The following DDR2 variants were observed in gnomAD, a reference collection of about 807,000 sequenced individuals.
DDR2 encodes discoidin domain-containing receptor 2.
Under a neutral mutation model 94.9 loss-of-function variants are expected in DDR2, and 27 were observed. The observed-to-expected ratio is 0.28, with a 90% CI of 0.21 to 0.39. The LOEUF (loss-of-function observed/expected upper bound fraction) is 0.39, where lower values mean the gene tolerates loss of function less well. Ranked by LOEUF, DDR2 falls within the 10% of genes least tolerant of loss-of-function variation. The probability of loss-of-function intolerance (pLI) is 1.00; values close to 1 mark genes in which losing one functional copy is unlikely to be tolerated. For synonymous variants in DDR2, 382 were observed against 377.2 expected, an observed-to-expected ratio of 1.01 and a Z score of -0.15; for missense variants, 783 against 1,076.0, an observed-to-expected ratio of 0.73 and a Z score of 3.81.
chr1:162,650,725 A>T (rs528713305), intron 1 of DDR2, among the ~76,000 whole-genome samples: 1 of 151,722 alleles, frequency 6.6e-6, no homozygotes, highest in Admixed American at 6.6e-5. Context: ...TCCTCTCCAC[A>T]TTATTATTAT....
At chr1:162,710,924 C>T (rs934402126) in intron 2 of DDR2, among the ~76,000 whole-genome samples, 2 of 152,176 alleles carry the variant, frequency 1.3e-5, no homozygotes, top group African/African-American at 4.8e-5. Flanking sequence ...CTGGCCTGGG[C>T]TACAGGCCAC....
intron 1 of DDR2, among the ~76,000 whole-genome samples, chr1:162,637,831 C>G (rs577992711): frequency 1.3e-5 from 2 of 152,072 alleles, no homozygotes; most frequent in Non-Finnish European, 2.9e-5. Context: ...AAGTAAAAGA[C>G]GCAATTCTTG....
chr1:162,715,862 AT>A (rs1320963597), intron 2 of DDR2, among the ~76,000 whole-genome samples: 1 of 152,216 alleles, frequency 6.6e-6, no homozygotes, highest in Non-Finnish European at 1.5e-5. Flanking sequence ...GCTGACAGTC[AT>A]CTAATTTTAG....
chr1:162,640,771 G>C (rs1017277346), intron 1 of DDR2, among the ~76,000 whole-genome samples: 9 of 152,034 alleles, frequency 5.9e-5, no homozygotes, highest in Non-Finnish European at 1.3e-4. Flanking sequence ...TAATTCAATA[G>C]GTTAATAGCA....
Position 162,778,854 on chromosome 1 carries a change from A to G in DDR2, c.2433+125A>G, listed in dbSNP as rs1647737858. On this transcript the variant is annotated intron_variant, in intron 17 of 17. Transcript: ENST00000367921. Reference sequence around the variant, plus strand: ...GACTATCCAGGTGTTAGTCTTTGTCACTAACTATCCAGATGATGTGAAAGA... The same window carrying G: ...GACTATCCAGGTGTTAGTCTTTGTCGCTAACTATCCAGATGATGTGAAAGA... 6.2e-6 allele frequency: 8 copies of G among 1,282,484 alleles called. No individual in the cohort carries two copies. The South Asian group carries it at 1.0e-4, about 16-fold the overall frequency. The allele number at this position is 1,282,484 out of a possible 1,614,324, so 79.4% of individuals were successfully genotyped here. A position where few individuals can be genotyped will look rare whatever the true frequency, so the allele number is the denominator to read the frequency against.
In DDR2 at chr1:162,754,596, C is replaced by T. The variant is rs182029623; in HGVS notation, c.186-28C>T. ...CAGCTCTGTGGTTTCATGGTTGCTCCCTCTCTCCCCAACCCTCACCTCTCA... is the reference window on the plus strand; with the variant it reads ...CAGCTCTGTGGTTTCATGGTTGCTCTCTCTCTCCCCAACCCTCACCTCTCA... On this transcript the variant is annotated intron_variant, in intron 4 of 17. Transcript: ENST00000367921. 5.2e-5 allele frequency: 83 copies of T among 1,609,768 alleles called. No individual in the cohort carries two copies. In the Middle Eastern group the frequency reaches 1.2e-3, roughly 23 times the overall value.
intron 1 of DDR2, among the ~76,000 whole-genome samples, chr1:162,652,578 C>T (rs1657756920): frequency 6.6e-6 from 1 of 152,206 alleles, no homozygotes; most frequent in African/African-American, 2.4e-5. Context: ...ATACGATCAG[C>T]CCCACAGCTC....
rs1170310185 is a variant in DDR2 at position 162,775,863 on chromosome 1, C to T, written c.2048+20C>T. 5 of 1,613,520 alleles carry T rather than the reference C, an allele frequency of 3.1e-6. No homozygotes were observed. Among genetic ancestry groups the T allele is most frequent in the Non-Finnish European group, 4.2e-6 (5 of 1,179,880 alleles). Reference sequence around the variant, plus strand: ...TGTCAGGTAAACAAGCCAGGTCTTCCTTCTCCTCCCTGTGGTCATGAGAGT... The same window carrying T: ...TGTCAGGTAAACAAGCCAGGTCTTCTTTCTCCTCCCTGTGGTCATGAGAGT... On this transcript the variant is annotated intron_variant, in intron 15 of 17. Transcript: ENST00000367921.
In DDR2 at chr1:162,719,453, A is replaced by T. The variant is rs1571239046; in HGVS notation, c.82+308A>T. Among the ~76,000 whole-genome samples, 4 of 152,218 alleles carry T rather than the reference A, an allele frequency of 2.6e-5. No homozygotes were observed. In the East Asian group the frequency reaches 7.7e-4, roughly 29 times the overall value. ...TTTGCTTCTGCATCTTCTGAGAAAA[A>T]CAGGACAGAATTTTTAGATGTCTTG... On this transcript the variant is annotated intron_variant, in intron 3 of 17. Transcript: ENST00000367921.
At chr1:162,693,803 G>T (rs1322959329) in intron 2 of DDR2, among the ~76,000 whole-genome samples, 1 of 152,158 alleles carries the variant, frequency 6.6e-6, no homozygotes, top group African/African-American at 2.4e-5. Flanking sequence ...CAGGCAGAGA[G>T]GGCAGTAAGC....
At chr1:162,633,704 C>T (rs1235541631) in intron 1 of DDR2, among the ~76,000 whole-genome samples, 1 of 152,238 alleles carries the variant, frequency 6.6e-6, no homozygotes, top group Non-Finnish European at 1.5e-5. Context: ...CAAGTCACCA[C>T]AAGGACGTTA....
intron 16 of DDR2, among the ~76,000 whole-genome samples, chr1:162,778,298 C>T (rs972337190): frequency 1.3e-5 from 2 of 152,144 alleles, no homozygotes; most frequent in Non-Finnish European, 2.9e-5. Context: ...CCCAAGGCTA[C>T]CCTAGAGTTG....
intron 2 of DDR2, among the ~76,000 whole-genome samples, chr1:162,718,741 T>C (rs1558044023): frequency 6.6e-6 from 1 of 152,226 alleles, no homozygotes; most frequent in Non-Finnish European, 1.5e-5. Context: ...TTACCATTAT[T>C]CACCATTTGG....
intron 1 of DDR2, among the ~76,000 whole-genome samples, chr1:162,643,767 C>T (rs1657267378): frequency 6.6e-6 from 1 of 152,200 alleles, no homozygotes; most frequent in Non-Finnish European, 1.5e-5. Flanking sequence ...AGGTGTGAGC[C>T]ACTGCACCCG....
intron 1 of DDR2, among the ~76,000 whole-genome samples, chr1:162,646,104 T>A (rs1657394044): frequency 6.6e-6 from 1 of 152,246 alleles, no homozygotes; most frequent in Non-Finnish European, 1.5e-5. Flanking sequence ...CTTGACTTCA[T>A]CTGGCTTTCA....
At chr1:162,662,642 A>G (rs1558012383) in intron 2 of DDR2, among the ~76,000 whole-genome samples, 1 of 152,120 alleles carries the variant, frequency 6.6e-6, no homozygotes, top group African/African-American at 2.4e-5. Flanking sequence ...TGTGTGGCTT[A>G]ATTTCCCTAA....
chr1:162,758,998 A>G (rs992078047), intron 7 of DDR2, among the ~76,000 whole-genome samples: 10 of 152,188 alleles, frequency 6.6e-5, no homozygotes, highest in African/African-American at 1.9e-4. Context: ...TATTCCATCC[A>G]GCAGTCAGGC....
At chr1:162,654,739 A>T (rs890281872) in intron 1 of DDR2, among the ~76,000 whole-genome samples, 3 of 152,106 alleles carry the variant, frequency 2.0e-5, no homozygotes, top group African/African-American at 7.2e-5. Context: ...TCATTCTCTC[A>T]CGAGTGTACG....
chr1:162,695,148 A>C (rs1471263648), intron 2 of DDR2, among the ~76,000 whole-genome samples: 1 of 152,208 alleles, frequency 6.6e-6, no homozygotes, highest in African/African-American at 2.4e-5. Context: ...ATTCTTTCCA[A>C]TTTATTACAG....
Sources: allele counts gnomAD v4.1 joint callset (sites outside exome capture counted in the v4.1 genomes callset), GRCh38; gene constraint gnomAD v4.1.1; transcripts MANE v1.5; gene names NCBI Gene and HGNC (gene_info 2026-07-23, HGNC 2026-07-21).